IQCM: variants seen among roughly 807,000 people sequenced by gnomAD.
The protein encoded by IQCM is IQ motif containing M.
A neutral mutation model predicts 57.6 loss-of-function variants in IQCM; 45 were observed. That is an observed-to-expected ratio of 0.78 (90% CI 0.62 to 1.00). The LOEUF is 1.00. Ranked by LOEUF, IQCM falls within the 50% of genes least tolerant of loss-of-function variation. IQCM has a pLI of 0.00. For missense variants in IQCM, 468 were observed against 511.6 expected, an observed-to-expected ratio of 0.91 and a Z score of 0.82; for synonymous variants, 148 against 158.9, an observed-to-expected ratio of 0.93 and a Z score of 0.51.
chr4:149,528,024 C>T (rs1323106824), intron 12 of IQCM, among the ~76,000 whole-genome samples: 3 of 150,430 alleles, frequency 2.0e-5, no homozygotes, highest in South Asian at 2.1e-4. Context: ...TTTGCTCTAT[C>T]GCCCAGGCTG....
At chr4:149,565,663 TACTCCC>T (rs1366050318) in intron 9 of IQCM, among the ~76,000 whole-genome samples, 1 of 152,200 alleles carries the variant, frequency 6.6e-6, no homozygotes. Context: ...CTGACCTTCC[TACTCCC>T]AAGTAGCTGC....
intron 7 of IQCM, among the ~76,000 whole-genome samples, chr4:149,627,273 T>A (rs1036753525): frequency 5.9e-5 from 9 of 152,142 alleles, no homozygotes; most frequent in African/African-American, 2.2e-4. Flanking sequence ...TTGAGACAGG[T>A]GTCTGCAAGT....
intron 2 of IQCM, among the ~76,000 whole-genome samples, chr4:149,745,599 A>G (rs937604379): frequency 6.6e-6 from 1 of 152,172 alleles, no homozygotes; most frequent in Admixed American, 6.5e-5. Flanking sequence ...CCATTTCTAC[A>G]TGGATGAAAG....
At chr4:149,501,852 A>G (rs1385024670) in intron 12 of IQCM, among the ~76,000 whole-genome samples, 1 of 152,188 alleles carries the variant, frequency 6.6e-6, no homozygotes, top group Non-Finnish European at 1.5e-5. Flanking sequence ...GAGCAGCAGC[A>G]GATCAGGAAG....
At chr4:149,673,666 T>C (rs1054189900) in intron 7 of IQCM, among the ~76,000 whole-genome samples, 2 of 151,916 alleles carry the variant, frequency 1.3e-5, no homozygotes. Flanking sequence ...TCCCACACAA[T>C]AATAATGGGA....
intron 12 of IQCM, among the ~76,000 whole-genome samples, chr4:149,527,022 T>C (rs1272801282): frequency 1.3e-5 from 2 of 152,196 alleles, no homozygotes; most frequent in African/African-American, 2.4e-5. Flanking sequence ...GAATTCTAGT[T>C]ACATGCCAAA....
At chr4:149,652,522 A>T (rs953156281) in intron 7 of IQCM, among the ~76,000 whole-genome samples, 2 of 152,140 alleles carry the variant, frequency 1.3e-5, no homozygotes, top group Non-Finnish European at 2.9e-5. Context: ...GCAAAAAGGT[A>T]TCTCCTCTAT....
At chr4:149,724,785 T>C (rs555995068) in intron 5 of IQCM, among the ~76,000 whole-genome samples, 1 of 152,178 alleles carries the variant, frequency 6.6e-6, no homozygotes, top group Non-Finnish European at 1.5e-5. Context: ...AATTATATAT[T>C]ATATAGTACT....
chr4:149,406,271 AT>A (rs1732974169), intron 13 of IQCM, among the ~76,000 whole-genome samples: 2 of 152,102 alleles, frequency 1.3e-5, no homozygotes, highest in South Asian at 4.1e-4. Flanking sequence ...TATAAACATG[AT>A]ATGGTGACAA....
intron 2 of IQCM, among the ~76,000 whole-genome samples, chr4:149,744,469 A>G (rs969747013): frequency 5.3e-5 from 8 of 152,140 alleles, no homozygotes; most frequent in African/African-American, 1.9e-4. Context: ...CTCCACCTTA[A>G]TTCAGTGTGC....
chr4:149,408,804 A>G (rs978939086), intron 13 of IQCM, among the ~76,000 whole-genome samples: 1 of 152,128 alleles, frequency 6.6e-6, no homozygotes, highest in Admixed American at 6.5e-5. Flanking sequence ...AAGAGCAGAC[A>G]TCTCCCCAGC....
intron 13 of IQCM, among the ~76,000 whole-genome samples, chr4:149,384,568 C>T (rs946904649): frequency 2.0e-5 from 3 of 152,040 alleles, no homozygotes; most frequent in Non-Finnish European, 4.4e-5. Flanking sequence ...GAAGGCTAAA[C>T]CTCTTTTACT....
intron 8 of IQCM, among the ~76,000 whole-genome samples, chr4:149,619,846 G>C (rs1374771185): frequency 6.6e-6 from 1 of 152,056 alleles, no homozygotes; most frequent in Non-Finnish European, 1.5e-5. Context: ...TGACACCAGG[G>C]ATGCATTAGT....
At chr4:149,442,333 T>C (rs1284313037) in intron 12 of IQCM, among the ~76,000 whole-genome samples, 1 of 152,094 alleles carries the variant, frequency 6.6e-6, no homozygotes, top group African/African-American at 2.4e-5. Context: ...CCAAATCATC[T>C]AGTCCTGGTT....
intron 7 of IQCM, among the ~76,000 whole-genome samples, chr4:149,645,067 T>A (rs1758523521): frequency 6.6e-6 from 1 of 152,220 alleles, no homozygotes; most frequent in African/African-American, 2.4e-5. Context: ...TTCTATAAGT[T>A]TATAAAGGAT....
intron 2 of IQCM, among the ~76,000 whole-genome samples, chr4:149,759,291 G>A (rs748556761): frequency 3.3e-5 from 5 of 152,098 alleles, no homozygotes; most frequent in South Asian, 2.1e-4. Context: ...AGAGCACAGC[G>A]GATTTTTAGG....
At chr4:149,670,926 G>A in intron 7 of IQCM, among the ~76,000 whole-genome samples, 1 of 148,064 alleles carries the variant, frequency 6.8e-6, no homozygotes, top group East Asian at 2.1e-4. Context: ...AGGGATATTG[G>A]TCTAAAATTC....
At chr4:149,601,784 C>T (rs181944263) in intron 8 of IQCM, among the ~76,000 whole-genome samples, 3 of 152,006 alleles carry the variant, frequency 2.0e-5, no homozygotes, top group Non-Finnish European at 4.4e-5. Context: ...TATGGCCTGG[C>T]GCGGTGGCTC....
intron 8 of IQCM, among the ~76,000 whole-genome samples, chr4:149,608,682 A>G (rs1755008771): frequency 6.6e-6 from 1 of 151,968 alleles, no homozygotes; most frequent in Admixed American, 6.6e-5. Context: ...TAAAAAATTA[A>G]GAAACAAATT....
Sources: gnomAD v4.1 joint callset for allele counts (sites outside exome capture counted in the v4.1 genomes callset) on GRCh38, gnomAD v4.1.1 for gene constraint, MANE v1.5 for transcripts, NCBI Gene and HGNC (gene_info 2026-07-23, HGNC 2026-07-21) for gene names.